Variants in DCAF10 observed in about 807,000 individuals in gnomAD.
DCAF10 encodes DDB1 and CUL4 associated factor 10, also known as DDB1- and CUL4-associated factor 10.
DCAF10 carries 19 observed loss-of-function variants against 51.9 expected under a neutral mutation model. That is an observed-to-expected ratio of 0.37 (90% CI 0.26 to 0.54). DCAF10 has a LOEUF of 0.54. Ranked by LOEUF, DCAF10 falls within the 20% of genes least tolerant of loss-of-function variation. The pLI, the probability that DCAF10 is intolerant of heterozygous loss-of-function variation, is 0.87. For synonymous variants in DCAF10, 291 were observed against 297.1 expected (o/e 0.98, Z 0.21); for missense variants, 510 against 730.6 (o/e 0.70, Z 3.48).
At chr9:37,803,203 AC>A (rs1330748014) in intron 1 of DCAF10, among the ~76,000 whole-genome samples, 3 of 152,196 alleles carry the variant, frequency 2.0e-5, no homozygotes, top group African/African-American at 7.2e-5. Flanking sequence ...AGCAAAAAAT[AC>A]CTAAACATTG....
intron 1 of DCAF10, among the ~76,000 whole-genome samples, chr9:37,805,540 G>A (rs1829088030): frequency 6.6e-6 from 1 of 151,958 alleles, no homozygotes; most frequent in Admixed American, 6.6e-5. Flanking sequence ...TATTTGGGGG[G>A]ATAATAATAT....
At chr9:37,839,214 A>G (rs1830262166) in intron 2 of DCAF10, among the ~76,000 whole-genome samples, 1 of 151,766 alleles carries the variant, frequency 6.6e-6, no homozygotes, top group South Asian at 2.1e-4. Context: ...GCCCGCCACC[A>G]TGCCCAGCTA....
intron 3 of DCAF10, among the ~76,000 whole-genome samples, chr9:37,845,080 C>A (rs1294491928): frequency 6.6e-6 from 1 of 152,074 alleles, no homozygotes; most frequent in East Asian, 1.9e-4. Flanking sequence ...ATTAAAAATT[C>A]TCATGTTTAG....
rs1828893644 is a variant in DCAF10 at position 37,800,804 on chromosome 9, C to G, written c.-63C>G. 1.3e-6 allele frequency: 2 copies of G among 1,508,872 alleles called. No individual in the cohort carries two copies. The highest frequency in any genetic ancestry group is 2.5e-5 in the East Asian group (1 of 40,734). The allele number at this position is 1,508,872 out of a possible 1,614,324, so 93.5% of individuals were successfully genotyped here. On this transcript the variant is annotated 5_prime_UTR_variant, in exon 1 of 7. Coordinates refer to ENST00000377724, the MANE Select transcript of DCAF10 (RefSeq NM_024345.5). ...CTGCACGCCGGAAGTGGCAGCTGAA[C>G]AGGGGCACTGAGGTGTCGGCCGGCG...
chr9:37,852,945 TATATATATATATATATATATAA>T (rs1830717372), intron 3 of DCAF10, among the ~76,000 whole-genome samples: 1 of 28,580 alleles, frequency 3.5e-5, no homozygotes, highest in African/African-American at 1.6e-4. Flanking sequence ...TATATATATA[TATATATATATATATATATATAA>T]ATTAGCTTGA....
rs1475528083 is a variant in DCAF10 at position 37,863,776 on chromosome 9, T to C, written c.*2268T>C. The C allele has an allele frequency of 6.6e-6, 1 of 152,162 alleles. No homozygotes were observed. Among genetic ancestry groups the C allele is most frequent in the Non-Finnish European group, 1.5e-5 (1 of 68,022 alleles). 9.4% of individuals were successfully genotyped at this position (152,162 alleles called of 1,614,324 possible). A position where few individuals can be genotyped will look rare whatever the true frequency, so the allele number is the denominator to read the frequency against. ...AAATGTTTAAACAACCCAAAATACATGAATAAAAATGACATTTCTTTGTAG... is the reference window on the plus strand; with the variant it reads ...AAATGTTTAAACAACCCAAAATACACGAATAAAAATGACATTTCTTTGTAG... On this transcript the variant is annotated 3_prime_UTR_variant, in exon 7 of 7. Transcript: ENST00000377724.
intron 1 of DCAF10, among the ~76,000 whole-genome samples, chr9:37,808,362 C>T (rs776085709): frequency 1.3e-5 from 2 of 148,912 alleles, no homozygotes; most frequent in Non-Finnish European, 3.0e-5. Context: ...GAGCCAAAAT[C>T]GCGCCACTGC....
rs1011054832 is a variant in DCAF10, at chr9:37,801,053, T to G, written c.187T>G (p.Ser63Ala). The G allele has an allele frequency of 6.5e-5, 100 of 1,534,806 alleles. No individual in the cohort carries two copies. The highest frequency in any genetic ancestry group is 8.5e-5 in the Non-Finnish European group (98 of 1,149,704). ...SPRRPGAPSL[S>A]PAPRSGELGL... ...TCGCCGCCCCGGCGCCCCATCGCTG[T>G]CCCCGGCCCCGCGCTCCGGAGAGCT... Residue 63 changes from serine to alanine, a missense_variant, in exon 1 of 7, where the codon TCC becomes GCC. Ser to Ala is a moderately conservative substitution (Grantham distance 99). This residue lies in a region of DCAF10 where 251 missense variants were observed against 227.9 expected (regional missense o/e 1.10). Transcript: ENST00000377724. The surrounding 1 kb of genome is among the most constrained non-coding windows in gnomAD (Gnocchi z 5.5).
chr9:37,859,927 C>T (rs1489553947), intron 5 of DCAF10, 121 bp from the exon 6 acceptor site: 2 of 1,187,612 alleles, frequency 1.7e-6, no homozygotes, highest in Admixed American at 2.0e-5. Flanking sequence ...CATATGGTAG[C>T]ATAAGGGGCA....
At chr9:37,819,601 C>A (rs1159980580) in intron 2 of DCAF10, among the ~76,000 whole-genome samples, 200 bp downstream of exon 2, 1 of 152,194 alleles carries the variant, frequency 6.6e-6, no homozygotes, top group Non-Finnish European at 1.5e-5. Flanking sequence ...TGGAATGTTT[C>A]TGAAATACAT....
chr9:37,855,975 ACCCTGT>A lies in DCAF10; in HGVS notation c.1054+995_1054+1000del, dbSNP rs765606879. Among the ~76,000 whole-genome samples the A allele has an allele frequency of 2.2e-4, 34 of 152,206 alleles. 1 individual carries two copies. Among genetic ancestry groups the A allele is most frequent in the South Asian group, 1.0e-3 (5 of 4,824 alleles). On this transcript the variant is annotated intron_variant, in intron 4 of 6. Transcript: ENST00000377724. ...TGACCAGCCTGGGCAACATGGTGAA[ACCCTGT>A]CTCTACGAAAAACACAAAAATTAGC...
chr9:37,822,027 C>A (rs1829718017), intron 2 of DCAF10, among the ~76,000 whole-genome samples: 1 of 152,112 alleles, frequency 6.6e-6, no homozygotes, highest in African/African-American at 2.4e-5. Context: ...TGCTGAACAT[C>A]ACTAATGATC....
At chr9:37,839,140 C>T (rs756267649) in intron 2 of DCAF10, among the ~76,000 whole-genome samples, 18 of 151,788 alleles carry the variant, frequency 1.2e-4, no homozygotes, top group Non-Finnish European at 1.5e-4. Flanking sequence ...CTGCAACATC[C>T]GCCTCCCGGG....
intron 1 of DCAF10, among the ~76,000 whole-genome samples, chr9:37,814,257 G>C (rs1297943261): frequency 6.9e-6 from 1 of 145,800 alleles, no homozygotes; most frequent in Non-Finnish European, 1.5e-5. Flanking sequence ...TCCTGCCTCA[G>C]CCTCCCAAGT....
Position 37,842,225 on chromosome 9 carries a change from A to T in DCAF10, c.790A>T (p.Asn264Tyr), listed in dbSNP as rs148787121. 1 of 1,613,988 alleles carries T rather than the reference A, an allele frequency of 6.2e-7. No individual in the cohort carries two copies. Among genetic ancestry groups the T allele is most frequent in the African/African-American group, 1.3e-5 (1 of 75,058 alleles). ...SWVKNIEYDTNTRLLVTSGFD... is the reference protein window; with the variant it reads ...SWVKNIEYDTYTRLLVTSGFD... ...GGTGAAGAACATCGAATATGATACT[A>T]ATACAAGACTCTTAGTAACATCAGG... The change falls in exon 3 of 7, where the codon AAT (asparagine) becomes TAT (tyrosine). Residue 264 changes from asparagine (N) to tyrosine (Y), a missense_variant. Around this residue, in one of 4 missense-constraint regions of DCAF10, gnomAD observed 126 missense variants for 271.5 expected, o/e 0.46. Transcript: ENST00000377724.
intron 2 of DCAF10, among the ~76,000 whole-genome samples, chr9:37,838,038 TA>T (rs1331817385): frequency 6.6e-6 from 1 of 151,562 alleles, no homozygotes; most frequent in African/African-American, 2.4e-5. Context: ...AAAAAAAAAT[TA>T]AAATTTTGAT....
intron 1 of DCAF10, among the ~76,000 whole-genome samples, chr9:37,814,080 C>CTATATATATATATATATA (rs58660288): frequency 8.5e-5 from 4 of 47,106 alleles, no homozygotes; most frequent in South Asian, 1.3e-3. Flanking sequence ...CTATTTGTCA[C>CTATATATATATATATATA]TATATATATA....
intron 1 of DCAF10, among the ~76,000 whole-genome samples, chr9:37,804,217 G>A (rs904899726): frequency 6.7e-5 from 10 of 150,334 alleles, no homozygotes; most frequent in Non-Finnish European, 1.3e-4. Context: ...GAGAGAAAAA[G>A]CATACCATAT....
rs1828908545 is a variant in DCAF10 at position 37,800,994 on chromosome 9, A to C, written c.128A>C (p.Asp43Ala). The C allele has an allele frequency of 6.5e-7, 1 of 1,533,482 alleles. No individual in the cohort carries two copies. 95.0% of individuals were successfully genotyped at this position (1,533,482 alleles called of 1,614,324 possible). Residue 43 changes from aspartate (D) to alanine (A), a missense_variant, in exon 1 of 7, where the codon GAT becomes GCT. Transcript: ENST00000377724. ...GPPSPLHPGA[D>A]ATHPPPPARS... is the part of the protein sequence containing the mutation. Reference sequence around the variant, plus strand: ...CCCTCGCCACTACATCCCGGGGCTGATGCGACCCATCCCCCTCCACCCGCC... The same window carrying C: ...CCCTCGCCACTACATCCCGGGGCTGCTGCGACCCATCCCCCTCCACCCGCC...
Sources: gnomAD v4.1 joint callset for allele counts (sites outside exome capture counted in the v4.1 genomes callset) on GRCh38, gnomAD v4.1.1 for gene constraint, gnomAD v4.1.1 regional missense constraint, Gnocchi (gnomAD v3.1) non-coding constraint, MANE v1.5 for transcripts, NCBI Gene and HGNC (gene_info 2026-07-23, HGNC 2026-07-21) for gene names.